The following RPS6KB1 variants were observed in gnomAD, a reference collection of about 807,000 sequenced individuals.
The protein encoded by RPS6KB1 is ribosomal protein S6 kinase B1.
RPS6KB1 carries 12 observed loss-of-function variants against 70.2 expected under a neutral mutation model. The ratio of observed to expected loss-of-function variants is 0.17; its 90% CI spans 0.11 to 0.28. RPS6KB1 has a LOEUF of 0.28. Among genes scored for constraint, RPS6KB1 ranks in the 10% least tolerant of loss-of-function variants. The pLI, the probability that RPS6KB1 is intolerant of heterozygous loss-of-function variation, is 1.00. For synonymous variants in RPS6KB1, 175 were observed against 211.2 expected (o/e 0.83, Z 1.49); for missense variants, 270 against 646.6 (o/e 0.42, Z 6.32).
intron 1 of RPS6KB1, among the ~76,000 whole-genome samples, chr17:59,896,193 TA>T (rs1364354169): frequency 2.6e-5 from 4 of 152,032 alleles, no homozygotes; most frequent in Admixed American, 1.3e-4. Flanking sequence ...TATTTTATTT[TA>T]TTTTTTTTTC....
chr17:59,903,419 G>T (rs1344843831), intron 1 of RPS6KB1, among the ~76,000 whole-genome samples: 1 of 152,050 alleles, frequency 6.6e-6, no homozygotes, highest in East Asian at 1.9e-4. Flanking sequence ...AGGCTGCAGT[G>T]AGCCATGATC....
intron 14 of RPS6KB1, among the ~76,000 whole-genome samples, chr17:59,945,836 A>AT (rs2044893069): frequency 6.6e-6 from 1 of 152,222 alleles, no homozygotes; most frequent in African/African-American, 2.4e-5. Flanking sequence ...ATAGTACTAT[A>AT]ATACAGGAAT....
intron 10 of RPS6KB1, 30 bp from the exon 11 acceptor site, chr17:59,936,185 C>T: frequency 1.3e-6 from 2 of 1,583,178 alleles, no homozygotes; most frequent in Non-Finnish European, 1.7e-6. Context: ...GACTAAGGTT[C>T]TTTATCCAAG....
intron 12 of RPS6KB1, among the ~76,000 whole-genome samples, chr17:59,940,029 C>G (rs2044482928): frequency 6.6e-6 from 1 of 152,056 alleles, no homozygotes; most frequent in Admixed American, 6.6e-5. Context: ...ATTTTTGTTC[C>G]TTTAGATTTC....
intron 13 of RPS6KB1, among the ~76,000 whole-genome samples, chr17:59,942,254 A>AT (rs1444888817): frequency 3.9e-5 from 6 of 152,126 alleles, no homozygotes; most frequent in East Asian, 1.9e-4. Context: ...CAAGTAGGGG[A>AT]TTTTTTTAAC....
intron 1 of RPS6KB1, among the ~76,000 whole-genome samples, chr17:59,899,204 C>CAA (rs771946273): frequency 1.0e-4 from 12 of 118,344 alleles, no homozygotes; most frequent in African/African-American, 1.8e-4. Context: ...GACTTCGTCT[C>CAA]AGAAAAAAAA....
At chr17:59,935,147 A>G (rs1269679828) in intron 9 of RPS6KB1, 46 bp from the exon 10 acceptor site, 1 of 1,220,142 alleles carries the variant, frequency 8.2e-7, no homozygotes, top group South Asian at 1.3e-5. Context: ...ATATGCTAAT[A>G]TTTTTCTCTC....
In RPS6KB1 at chr17:59,893,938, CTTTT is replaced by C. The variant is rs11427947; in HGVS notation, c.141+622_141+625del. ...CAATCTTCCAGGGTTTGTTTGTTTG[CTTTT>C]TTTTTTTTACCCCCTTCCGTGTGAC... On this transcript the variant is annotated intron_variant, in intron 1 of 14. Coordinates refer to ENST00000225577, the MANE Select transcript of RPS6KB1 (RefSeq NM_003161.4). This position sits in a 1 kb window ranked among gnomAD's most constrained non-coding sequence, Gnocchi z 4.1. The C allele has an allele frequency of 3.5e-5, 30 of 864,200 alleles. No individual in the cohort carries two copies. The highest frequency in any genetic ancestry group is 4.1e-5 in the Non-Finnish European group (30 of 723,816). 53.5% of individuals were successfully genotyped at this position (864,200 alleles called of 1,614,324 possible).
At chr17:59,914,291 G>A (rs1466020263) in intron 3 of RPS6KB1, among the ~76,000 whole-genome samples, 1 of 152,074 alleles carries the variant, frequency 6.6e-6, no homozygotes. Context: ...AAGGGCAGTG[G>A]CAAGCAACCT....
At chr17:59,902,245 C>T (rs2042002069) in intron 1 of RPS6KB1, among the ~76,000 whole-genome samples, 1 of 151,422 alleles carries the variant, frequency 6.6e-6, no homozygotes, top group Non-Finnish European at 1.5e-5. Context: ...GCTGGGACCA[C>T]AGGTGTGCGC....
chr17:59,946,945 AAATC>A lies in RPS6KB1; in HGVS notation c.*165_*168del, dbSNP rs908270483. 1.5e-5 allele frequency: 22 copies of A among 1,467,272 alleles called. No individual in the cohort carries two copies. Among genetic ancestry groups the A allele is most frequent in the Non-Finnish European group, 1.9e-5 (21 of 1,113,298 alleles). 90.9% of individuals were successfully genotyped at this position (1,467,272 alleles called of 1,614,324 possible). ...AGGAAAAATAAACGTGGATTTTAAAAAATCAATCAATGGTGCAAAAAAAAACTTA... is the reference window on the plus strand; with the variant it reads ...AGGAAAAATAAACGTGGATTTTAAAAAATCAATGGTGCAAAAAAAAACTTA... On this transcript the variant is annotated 3_prime_UTR_variant, in exon 15 of 15. Coordinates refer to ENST00000225577, the MANE Select transcript of RPS6KB1 (RefSeq NM_003161.4). This position sits in a 1 kb window ranked among gnomAD's most constrained non-coding sequence, Gnocchi z 4.2.
At chr17:59,905,076 G>C (rs2042186311) in intron 1 of RPS6KB1, among the ~76,000 whole-genome samples, 2 of 152,034 alleles carry the variant, frequency 1.3e-5, no homozygotes, top group African/African-American at 4.8e-5. Context: ...GGCAGGAGTA[G>C]CGCAATTTTG....
chr17:59,931,709 G>T lies in RPS6KB1; in HGVS notation c.675G>T (p.Met225Ile). 16 of 1,606,422 alleles carry T rather than the reference G, an allele frequency of 1.0e-5. No homozygotes were observed. Among genetic ancestry groups the T allele is most frequent in the Non-Finnish European group, 1.4e-5 (16 of 1,173,040 alleles). ...IYRDLKPENIMLNHQGHVKLT... is the reference protein window; with the variant it reads ...IYRDLKPENIILNHQGHVKLT... ...GAGACCTGAAGCCGGAGAATATCAT[G>T]CTTAATCACCAAGGTGGAGACATAC... The change falls in exon 7 of 15, where the codon ATG becomes ATT. Residue 225 changes from methionine to isoleucine, a missense_variant. Coordinates refer to ENST00000225577, the MANE Select transcript of RPS6KB1 (RefSeq NM_003161.4).
chr17:59,908,196 A>ATT (rs924650940), intron 1 of RPS6KB1, among the ~76,000 whole-genome samples: 4 of 144,122 alleles, frequency 2.8e-5, no homozygotes, highest in African/African-American at 5.1e-5. Flanking sequence ...CAAAATATAC[A>ATT]TTTTTTTTTT....
At position 59,936,217 on chromosome 17, in the gene RPS6KB1, G is replaced by A. The variant is rs370608471; in HGVS notation, c.981G>A (p.Leu327=). The change falls in exon 11 of 15, where the codon CTG becomes CTA. Residue 327 remains leucine, a splice_region_variant and synonymous_variant. Coordinates refer to ENST00000225577, the MANE Select transcript of RPS6KB1 (RefSeq NM_003161.4). Reference sequence around the variant, plus strand: ...CAAGCTTTTTTTCCTCTTTAAAGCTGCTGAAAAGAAATGCTGCTTCTCGTC... The same window carrying A: ...CAAGCTTTTTTTCCTCTTTAAAGCTACTGAAAAGAAATGCTGCTTCTCGTC... The part of the protein sequence containing the change: ...TQEARDLLKK[L]LKRNAASRLG... 10 of 1,594,352 alleles carry A rather than the reference G, an allele frequency of 6.3e-6. No homozygotes were observed. Among genetic ancestry groups the A allele is most frequent in the Non-Finnish European group, 7.7e-6 (9 of 1,175,348 alleles).
rs1201745743 is a variant in RPS6KB1 at position 59,946,176 on chromosome 17, C to CA, written c.1341-374dup. On this transcript the variant is annotated intron_variant, in intron 14 of 14. Coordinates refer to ENST00000225577, the MANE Select transcript of RPS6KB1 (RefSeq NM_003161.4). This position sits in a 1 kb window ranked among gnomAD's most constrained non-coding sequence, Gnocchi z 4.2. ...CTTTTCCTGGAAGTGAAAGGGAAAT[C>CA]AGTGTTCCTGGAGTGTGTGGTGAGT... Among the ~76,000 whole-genome samples, 1 of 152,062 alleles carries CA rather than the reference C, an allele frequency of 6.6e-6. No individual in the cohort carries two copies.
intron 4 of RPS6KB1, among the ~76,000 whole-genome samples, chr17:59,924,074 C>T (rs1253370756): frequency 8.6e-6 from 1 of 116,486 alleles, no homozygotes; most frequent in Non-Finnish European, 2.0e-5. Flanking sequence ...TGGCTCACAC[C>T]TGTAATCCCA....
chr17:59,905,651 C>CA (rs2042221896), intron 1 of RPS6KB1, among the ~76,000 whole-genome samples: 1 of 151,122 alleles, frequency 6.6e-6, no homozygotes, highest in Non-Finnish European at 1.5e-5. Context: ...ATTACAGGCT[C>CA]CCGCCACAAT....
At chr17:59,943,604 T>G (rs2044741570) in intron 13 of RPS6KB1, among the ~76,000 whole-genome samples, 1 of 151,686 alleles carries the variant, frequency 6.6e-6, no homozygotes, top group African/African-American at 2.4e-5. Flanking sequence ...ATAGGTCAGG[T>G]GCAGTGGCTC....
Sources: allele counts gnomAD v4.1 joint callset (sites outside exome capture counted in the v4.1 genomes callset), GRCh38; gene constraint gnomAD v4.1.1; non-coding constraint Gnocchi (gnomAD v3.1); transcripts MANE v1.5; gene names NCBI Gene and HGNC (gene_info 2026-07-23, HGNC 2026-07-21).